The following PDGFRA variants were observed in gnomAD, a reference collection of about 807,000 sequenced individuals.
PDGFRA encodes platelet-derived growth factor receptor alpha.
A neutral mutation model predicts 121.5 loss-of-function variants in PDGFRA; 25 were observed. The ratio of observed to expected loss-of-function variants is 0.21; its 90% CI spans 0.15 to 0.29. PDGFRA has a LOEUF of 0.29. Ranked by LOEUF, PDGFRA falls within the 10% of genes least tolerant of loss-of-function variation. The pLI is 1.00. For synonymous variants in PDGFRA, 463 were observed against 494.8 expected, an observed-to-expected ratio of 0.94 and a Z score of 0.85; for missense variants, 1,008 against 1,345.1, an observed-to-expected ratio of 0.75 and a Z score of 3.92.
At chr4:54,273,751 G>A (rs2110293637) in intron 10 of PDGFRA, 21 bp downstream of exon 10, 1 of 1,604,112 alleles carries the variant, frequency 6.2e-7, no homozygotes, top group Non-Finnish European at 8.5e-7. Flanking sequence ...CAACAGTCAG[G>A]ACAACTCATC....
At chr4:54,256,797 A>G (rs1467408415) in intron 1 of PDGFRA, among the ~76,000 whole-genome samples, 1 of 151,866 alleles carries the variant, frequency 6.6e-6, no homozygotes, top group Non-Finnish European at 1.5e-5. Flanking sequence ...AGGATTGCTT[A>G]AGCCTAGGAG....
At chr4:54,281,684 A>G in intron 16 of PDGFRA, 5 of 1,362,346 alleles carry the variant, frequency 3.7e-6, no homozygotes, top group African/African-American at 1.4e-5. Flanking sequence ...TTCCGTGACT[A>G]TCTGAAAAAA....
At chr4:54,274,677 A>T (rs753323960) in intron 11 of PDGFRA, 52 bp downstream of exon 11, 1 of 1,492,842 alleles carries the variant, frequency 6.7e-7, no homozygotes, top group African/African-American at 1.4e-5. Context: ...GAGAACAAGC[A>T]TAGCAACCTA....
intron 1 of PDGFRA, among the ~76,000 whole-genome samples, chr4:54,249,921 G>T (rs1378807028): frequency 6.6e-6 from 1 of 152,070 alleles, no homozygotes; most frequent in Non-Finnish European, 1.5e-5. Flanking sequence ...ACAGAAAATT[G>T]TAAAGGGTTT....
At chr4:54,281,774 T>C (rs991436760) in intron 16 of PDGFRA, 17 of 1,331,596 alleles carry the variant, frequency 1.3e-5, no homozygotes, top group East Asian at 3.5e-5. Context: ...AATTGCCTTC[T>C]TCCTCGAAAA....
At chr4:54,258,347 G>A (rs1163836992) in intron 1 of PDGFRA, among the ~76,000 whole-genome samples, 1 of 151,990 alleles carries the variant, frequency 6.6e-6, no homozygotes, top group Non-Finnish European at 1.5e-5. Context: ...AAATATTAAG[G>A]TATTTACCCC....
intron 1 of PDGFRA, among the ~76,000 whole-genome samples, chr4:54,235,311 A>G (rs1316128163): frequency 1.3e-5 from 2 of 152,180 alleles, no homozygotes; most frequent in Non-Finnish European, 1.5e-5. Flanking sequence ...CTGCAATGGG[A>G]TGCACTGTGC....
intron 7 of PDGFRA, 112 bp downstream of exon 7, chr4:54,267,853 A>G (rs183683081): frequency 1.2e-6 from 1 of 835,490 alleles, no homozygotes; most frequent in Non-Finnish European, 2.0e-6. Flanking sequence ...AAATGTAACA[A>G]TCTGAGTTAA....
chr4:54,261,898 C>CATATATATATATATATATAT (rs397880252), intron 3 of PDGFRA, among the ~76,000 whole-genome samples: 2 of 95,294 alleles, frequency 2.1e-5, no homozygotes, highest in African/African-American at 8.1e-5. Context: ...AAAAAAGTTA[C>CATATATATATATATATATAT]ATATATATAT....
intron 1 of PDGFRA, among the ~76,000 whole-genome samples, chr4:54,250,804 A>G (rs1212892950): frequency 6.6e-6 from 1 of 152,064 alleles, no homozygotes; most frequent in Non-Finnish European, 1.5e-5. Flanking sequence ...ATGGCTCACA[A>G]CTGTAATCCC....
intron 1 of PDGFRA, among the ~76,000 whole-genome samples, chr4:54,231,450 C>T (rs1258854880): frequency 3.9e-5 from 6 of 152,250 alleles, no homozygotes; most frequent in Non-Finnish European, 5.9e-5. Context: ...GGACAAACAT[C>T]CCCGGAGCCA....
rs574284320 is a variant in PDGFRA, at chr4:54,297,809, C to A, written c.*2537C>A. ...GAAACACTATTTGTGACTTTTTAAA[C>A]GATTAGTGATGTCCTTAAAATGTGG... On this transcript the variant is annotated 3_prime_UTR_variant, in exon 23 of 23. Transcript: ENST00000257290. 8.6e-6 allele frequency: 2 copies of A among 233,386 alleles called. No homozygotes were observed. Among genetic ancestry groups the A allele is most frequent in the Non-Finnish European group, 1.7e-5 (2 of 118,008 alleles). The allele number at this position is 233,386 out of a possible 1,614,324, so 14.5% of individuals were successfully genotyped here.
chr4:54,244,187 C>T (rs1197636684), intron 1 of PDGFRA, among the ~76,000 whole-genome samples: 6 of 152,176 alleles, frequency 3.9e-5, no homozygotes, highest in Non-Finnish European at 4.4e-5. Context: ...CTTAAATGTC[C>T]CTGTCTGACA....
chr4:54,284,174 G>A (rs1577739509), intron 16 of PDGFRA, among the ~76,000 whole-genome samples: 1 of 152,166 alleles, frequency 6.6e-6, no homozygotes, highest in South Asian at 2.1e-4. Flanking sequence ...CGAGACCTTG[G>A]CAGCCTGGAT....
intron 1 of PDGFRA, 64 bp from the exon 2 acceptor site, chr4:54,258,693 G>T: frequency 2.1e-6 from 2 of 965,978 alleles, no homozygotes. Context: ...AACACAAAGA[G>T]AACTAGGCTC....
At chr4:54,286,008 T>G in intron 18 of PDGFRA, 45 bp downstream of exon 18, 1 of 1,600,068 alleles carries the variant, frequency 6.2e-7, no homozygotes, top group Non-Finnish European at 8.6e-7. Flanking sequence ...CCTCCTTCAC[T>G]TTAATCTCTA....
chr4:54,232,446 A>G (rs1459192814), intron 1 of PDGFRA, among the ~76,000 whole-genome samples: 2 of 152,190 alleles, frequency 1.3e-5, no homozygotes, highest in African/African-American at 4.8e-5. Context: ...GGGAAACCCG[A>G]CTTGGGGCGC....
chr4:54,295,056 TG>T (rs376125693), intron 22 of PDGFRA, 68 bp from the exon 23 acceptor site: 7 of 1,488,602 alleles, frequency 4.7e-6, no homozygotes, highest in Admixed American at 3.3e-5. Context: ...CGTTTGTCTC[TG>T]GGGGGCCACA....
intron 22 of PDGFRA, among the ~76,000 whole-genome samples, chr4:54,291,849 C>CA (rs35654952): frequency 0.76 from 115,094 of 152,106 alleles, 45,274 homozygotes; most frequent in Middle Eastern, 0.89. Context: ...CAGCACTATT[C>CA]ACGATAGCAA....
Sources: allele counts gnomAD v4.1 joint callset (sites outside exome capture counted in the v4.1 genomes callset), GRCh38; gene constraint gnomAD v4.1.1; transcripts MANE v1.5; gene names NCBI Gene and HGNC (gene_info 2026-07-23, HGNC 2026-07-21).